The following PHF8 variants were observed in gnomAD, a reference collection of about 807,000 sequenced individuals.
PHF8 encodes the protein histone lysine demethylase PHF8.
A neutral mutation model predicts 74.4 loss-of-function variants in PHF8; 9 were observed. That is an observed-to-expected ratio of 0.12 (90% CI 0.07 to 0.21). PHF8 has a LOEUF of 0.21. PHF8 is among the 10% of genes least tolerant of loss of function. PHF8 has a pLI of 1.00. For synonymous variants in PHF8, 311 were observed against 316.6 expected (o/e 0.98, Z 0.19); for missense variants, 478 against 816.6 (o/e 0.59, Z 5.05).
At chrX:54,029,350 T>C (rs1400966361) in intron 2 of PHF8, among the ~76,000 whole-genome samples, 1 of 111,790 alleles carries the variant, frequency 8.9e-6, no homozygotes, top group East Asian at 2.8e-4. Flanking sequence ...TAAGGTAAAG[T>C]ATAAACTTAC....
At chrX:53,954,499 CAAAAAAAAAAAAA>C (rs1180184175) in intron 19 of PHF8, among the ~76,000 whole-genome samples, 2 of 13,138 alleles carry the variant, frequency 1.5e-4, no homozygotes, top group African/African-American at 4.7e-4. Flanking sequence ...GACTCTGTCT[CAAAAAAAAAAAAA>C]AAAAAAAAAA....
intron 8 of PHF8, among the ~76,000 whole-genome samples, chrX:54,004,739 A>C (rs2065872244): frequency 9.1e-6 from 1 of 110,008 alleles, no homozygotes; most frequent in South Asian, 3.9e-4. Flanking sequence ...GACCAGCCTG[A>C]TCAGCATGGT....
intron 14 of PHF8, among the ~76,000 whole-genome samples, chrX:53,988,422 T>C (rs1426280222): frequency 9.0e-6 from 1 of 110,754 alleles, no homozygotes; most frequent in Non-Finnish European, 1.9e-5. Flanking sequence ...TTAAAATGCA[T>C]CATAGATCTA....
chrX:54,037,297 G>A (rs1333838137), intron 2 of PHF8, among the ~76,000 whole-genome samples: 1 of 111,621 alleles, frequency 9.0e-6, no homozygotes, highest in African/African-American at 3.3e-5. Flanking sequence ...ACCCAGGCTG[G>A]AGTGTAGTGG....
chrX:53,939,313 T>G, intron 21 of PHF8, 67 bp from the exon 22 acceptor site: 2 of 889,603 alleles, frequency 2.2e-6, no homozygotes, highest in Non-Finnish European at 3.3e-6. Flanking sequence ...TGGCACCAAC[T>G]GCCCTCAGGC....
intron 13 of PHF8, 197 bp from the exon 14 acceptor site, chrX:53,993,036 C>G (rs1846159463): frequency 2.3e-6 from 1 of 435,375 alleles, no homozygotes; most frequent in Non-Finnish European, 4.1e-6. Flanking sequence ...CAGGGGACAC[C>G]TGTCAATCTT....
At chrX:53,972,538 A>T (rs2065311565) in intron 18 of PHF8, among the ~76,000 whole-genome samples, 1 of 111,144 alleles carries the variant, frequency 9.0e-6, no homozygotes, top group South Asian at 3.7e-4. Context: ...AACAGAACTA[A>T]AGTCAAAAAC....
chrX:53,999,022 A>C, intron 11 of PHF8, among the ~76,000 whole-genome samples: 1 of 112,475 alleles, frequency 8.9e-6, no homozygotes, highest in Non-Finnish European at 1.9e-5. Flanking sequence ...ACATTCCTGC[A>C]AAAGAATATC....
intron 18 of PHF8, among the ~76,000 whole-genome samples, chrX:53,968,259 A>C (rs908958648): frequency 8.9e-6 from 1 of 112,444 alleles, no homozygotes; most frequent in Non-Finnish European, 1.9e-5. Flanking sequence ...AATCATTACA[A>C]CTGATATCAC....
At chrX:54,032,400 C>G (rs1315099257) in intron 2 of PHF8, among the ~76,000 whole-genome samples, 1 of 111,014 alleles carries the variant, frequency 9.0e-6, no homozygotes, top group East Asian at 2.8e-4. Flanking sequence ...CTCACTCACT[C>G]TGTTCCAATA....
intron 4 of PHF8, among the ~76,000 whole-genome samples, 165 bp downstream of exon 4, chrX:54,022,094 G>A (rs2066187717): frequency 9.0e-6 from 1 of 111,278 alleles, no homozygotes; most frequent in Admixed American, 9.6e-5. Flanking sequence ...ACTACCAGAA[G>A]TTTTCCAGGA....
intron 2 of PHF8, among the ~76,000 whole-genome samples, chrX:54,024,201 T>A (rs1420130560): frequency 9.0e-6 from 1 of 111,581 alleles, no homozygotes; most frequent in African/African-American, 3.3e-5. Context: ...AGTGGGAGGA[T>A]CGCTTGAGGC....
chrX:53,967,524 C>T (rs1305815369), intron 18 of PHF8, among the ~76,000 whole-genome samples: 53 of 109,368 alleles, frequency 4.8e-4, no homozygotes, highest in African/African-American at 1.6e-3. Flanking sequence ...CCAGCCGCCC[C>T]GTCCGGGAGG....
At chrX:53,982,337 T>G (rs781960267) in intron 18 of PHF8, among the ~76,000 whole-genome samples, 1 of 112,801 alleles carries the variant, frequency 8.9e-6, no homozygotes, top group African/African-American at 3.2e-5. Flanking sequence ...CTAACCTACA[T>G]GGTATTGTCA....
intron 1 of PHF8, 97 bp downstream of exon 1, chrX:54,043,665 C>T: frequency 9.8e-6 from 2 of 204,314 alleles, no homozygotes; most frequent in Non-Finnish European, 1.5e-5. Flanking sequence ...AGCCCCCCCT[C>T]AAACTGATGA....
At chrX:53,948,690 A>G (rs782595839) in intron 19 of PHF8, among the ~76,000 whole-genome samples, 1 of 111,905 alleles carries the variant, frequency 8.9e-6, no homozygotes, top group South Asian at 3.7e-4. Flanking sequence ...TATTAAGACT[A>G]TGGGTATTCA....
chrX:53,973,011 G>C (rs782442163), intron 18 of PHF8, among the ~76,000 whole-genome samples: 111 of 111,363 alleles, frequency 1.0e-3, no homozygotes, highest in Non-Finnish European at 1.5e-3. Context: ...CAACAGACAA[G>C]CAGAGAGCCA....
At chrX:54,005,685 C>T (rs2065888780) in intron 8 of PHF8, among the ~76,000 whole-genome samples, 1 of 99,059 alleles carries the variant, frequency 1.0e-5, no homozygotes, top group South Asian at 4.4e-4. Context: ...AGGGGAAAAA[C>T]AATTCAGATG....
chrX:53,996,537 T>C (rs2065752213), intron 11 of PHF8, among the ~76,000 whole-genome samples: 1 of 110,490 alleles, frequency 9.1e-6, no homozygotes, highest in Non-Finnish European at 1.9e-5. Context: ...CTTGCTATAT[T>C]TTATTTACTT....
Sources: gnomAD v4.1 joint callset for allele counts (sites outside exome capture counted in the v4.1 genomes callset) on GRCh38, gnomAD v4.1.1 for gene constraint, MANE v1.5 for transcripts, NCBI Gene and HGNC (gene_info 2026-07-23, HGNC 2026-07-21) for gene names.